KCNN2: variants seen among roughly 807,000 people sequenced by gnomAD.
KCNN2 encodes the protein small conductance calcium-activated potassium channel protein 2.
Under a neutral mutation model 55.5 loss-of-function variants are expected in KCNN2, and 24 were observed. The observed-to-expected ratio is 0.43, with a 90% confidence interval of 0.31 to 0.61. The LOEUF is 0.61. KCNN2 is among the 20% of genes least tolerant of loss of function. The pLI is 0.08. For synonymous variants in KCNN2, 431 were observed against 336.1 expected (o/e 1.28, Z -3.09); for missense variants, 754 against 853.6 (o/e 0.88, Z 1.45).
intron 2 of KCNN2, among the ~76,000 whole-genome samples, chr5:114,375,344 C>G (rs760412159): frequency 6.6e-6 from 1 of 152,026 alleles, no homozygotes; most frequent in African/African-American, 2.4e-5. Context: ...TAATCTGATG[C>G]TTTTTCAAAG....
At chr5:114,325,278 T>C (rs1401306767) in intron 2 of KCNN2, among the ~76,000 whole-genome samples, 1 of 152,190 alleles carries the variant, frequency 6.6e-6, no homozygotes, top group African/African-American at 2.4e-5. Context: ...TTCTTGCTGC[T>C]TATAGTAAAA....
intron 1 of KCNN2, among the ~76,000 whole-genome samples, chr5:114,193,382 A>G (rs938223716): frequency 6.6e-6 from 1 of 152,144 alleles, no homozygotes; most frequent in Admixed American, 6.6e-5. Flanking sequence ...TGAAACACTC[A>G]GTGCCTGTGC....
intron 2 of KCNN2, among the ~76,000 whole-genome samples, chr5:114,238,065 T>C (rs187966616): frequency 4.2e-4 from 64 of 152,318 alleles, no homozygotes; most frequent in Admixed American, 2.3e-3. Context: ...GAGGAACACA[T>C]TGAATATCTG....
chr5:114,204,891 C>T (rs1276960541), intron 1 of KCNN2, among the ~76,000 whole-genome samples: 1 of 152,138 alleles, frequency 6.6e-6, no homozygotes, highest in Non-Finnish European at 1.5e-5. Flanking sequence ...AATACAATTT[C>T]CAAAACGTAG....
At chr5:114,385,300 C>G (rs751977635) in intron 2 of KCNN2, among the ~76,000 whole-genome samples, 1 of 152,030 alleles carries the variant, frequency 6.6e-6, no homozygotes, top group Non-Finnish European at 1.5e-5. Context: ...TAGTCCCCAG[C>G]CACCAAACCT....
intron 5 of KCNN2, among the ~76,000 whole-genome samples, chr5:114,477,619 A>G (rs1324838731): frequency 6.6e-6 from 1 of 152,188 alleles, no homozygotes; most frequent in East Asian, 1.9e-4. Flanking sequence ...TAATAGATTT[A>G]CAGTTTATCA....
intron 1 of KCNN2, among the ~76,000 whole-genome samples, 164 bp downstream of exon 1, chr5:114,363,425 A>G (rs1460775950): frequency 6.6e-6 from 1 of 152,208 alleles, no homozygotes; most frequent in Admixed American, 6.5e-5. Flanking sequence ...GTAGTCAGCT[A>G]AACAACTCGG....
chr5:114,142,819 G>A (rs563983027), intron 1 of KCNN2, among the ~76,000 whole-genome samples: 3 of 152,150 alleles, frequency 2.0e-5, no homozygotes, highest in East Asian at 1.9e-4. Context: ...TAATGCCACC[G>A]CCATCAAGCT....
chr5:114,366,475 C>T (rs1279523465), intron 2 of KCNN2, among the ~76,000 whole-genome samples: 1 of 151,966 alleles, frequency 6.6e-6, no homozygotes, highest in Non-Finnish European at 1.5e-5. Flanking sequence ...AGCTGAAGCT[C>T]CAAATTCTTA....
intron 3 of KCNN2, among the ~76,000 whole-genome samples, chr5:114,415,326 G>A (rs1759271891): frequency 6.6e-6 from 1 of 152,192 alleles, no homozygotes; most frequent in Non-Finnish European, 1.5e-5. Flanking sequence ...CTCTTAGGTA[G>A]CCATCTAAGA....
At chr5:114,133,033 T>A (rs1158591258) in intron 1 of KCNN2, among the ~76,000 whole-genome samples, 3 of 152,134 alleles carry the variant, frequency 2.0e-5, no homozygotes, top group Non-Finnish European at 2.9e-5. Context: ...CCAAAGTATC[T>A]AATACTGATT....
At chr5:114,313,160 A>T (rs1756438974) in intron 2 of KCNN2, among the ~76,000 whole-genome samples, 1 of 152,020 alleles carries the variant, frequency 6.6e-6, no homozygotes, top group Non-Finnish European at 1.5e-5. Flanking sequence ...AAAGCCATAG[A>T]TTTTTCATTT....
chr5:114,149,890 T>C (rs2112516056), intron 1 of KCNN2, among the ~76,000 whole-genome samples: 1 of 152,276 alleles, frequency 6.6e-6, no homozygotes, highest in East Asian at 1.9e-4. Flanking sequence ...CAAGAAGAGC[T>C]GTGGCAAGAT....
At chr5:114,451,065 T>C (rs951137347) in intron 3 of KCNN2, among the ~76,000 whole-genome samples, 2 of 152,250 alleles carry the variant, frequency 1.3e-5, no homozygotes, top group Non-Finnish European at 2.9e-5. Flanking sequence ...GTGAAAGTTA[T>C]ATAGGTGTAA....
intron 1 of KCNN2, among the ~76,000 whole-genome samples, chr5:114,103,559 G>A (rs909767906): frequency 6.6e-6 from 1 of 152,138 alleles, no homozygotes; most frequent in Admixed American, 6.5e-5. Flanking sequence ...TTGGCTGTGG[G>A]TCTGTCATAA....
chr5:114,168,779 T>G (rs989603558), intron 1 of KCNN2, among the ~76,000 whole-genome samples: 2 of 152,126 alleles, frequency 1.3e-5, no homozygotes, highest in Non-Finnish European at 2.9e-5. Context: ...GATATATGGC[T>G]AGTGGATCCA....
At chr5:114,476,048 A>T (rs575423236) in intron 5 of KCNN2, among the ~76,000 whole-genome samples, 28 of 150,856 alleles carry the variant, frequency 1.9e-4, no homozygotes, top group Admixed American at 8.6e-4. Flanking sequence ...TTTTTTTTTT[A>T]AATTATACTT....
At chr5:114,197,454 C>T (rs968833808) in intron 1 of KCNN2, among the ~76,000 whole-genome samples, 5 of 152,130 alleles carry the variant, frequency 3.3e-5, no homozygotes, top group East Asian at 1.9e-4. Context: ...TGTTGAATTG[C>T]CCAGTTCTGC....
At chr5:114,269,515 T>A (rs1227422670) in intron 2 of KCNN2, among the ~76,000 whole-genome samples, 1 of 150,052 alleles carries the variant, frequency 6.7e-6, no homozygotes, top group African/African-American at 2.5e-5. Context: ...TTTTTGGTGC[T>A]GGGTTGGGGG....
Sources: gnomAD v4.1 joint callset for allele counts (sites outside exome capture counted in the v4.1 genomes callset) on GRCh38, gnomAD v4.1.1 for gene constraint, MANE v1.5 for transcripts, NCBI Gene and HGNC (gene_info 2026-07-23, HGNC 2026-07-21) for gene names.